Variants in CLEC17A observed in about 807,000 individuals in gnomAD.
The protein encoded by CLEC17A is C-type lectin domain family 17, member A.
CLEC17A carries 37 observed loss-of-function variants against 61.3 expected under a neutral mutation model. The ratio of observed to expected loss-of-function variants is 0.60; its 90% confidence interval spans 0.46 to 0.79. CLEC17A has a LOEUF of 0.79. CLEC17A is among the 30% of genes least tolerant of loss of function. CLEC17A has a pLI of 0.00. For synonymous variants in CLEC17A, 168 were observed against 164.9 expected, an observed-to-expected ratio of 1.02 and a Z score of -0.14; for missense variants, 418 against 464.7, an observed-to-expected ratio of 0.90 and a Z score of 0.92.
Position 14,583,154 on chromosome 19 carries a change from G to A in CLEC17A, c.-7G>A, listed in dbSNP as rs377723968. 5.6e-5 allele frequency: 91 copies of A among 1,613,928 alleles called. No individual in the cohort carries two copies. The highest frequency in any genetic ancestry group is 1.9e-5 in the Non-Finnish European group (22 of 1,179,914). Reference sequence around the variant, plus strand: ...GGCTGCCACTTGTCAGGTTCCCTGTGCTAGACATGCATAATCTGTATTCCA... The same window carrying A: ...GGCTGCCACTTGTCAGGTTCCCTGTACTAGACATGCATAATCTGTATTCCA... On this transcript the variant is annotated 5_prime_UTR_variant, in exon 1 of 14. Coordinates refer to ENST00000417570, the MANE Select transcript of CLEC17A (RefSeq NM_001204118.2).
Position 14,583,100 on chromosome 19 carries a change from G to T in CLEC17A, c.-61G>T. The T allele has an allele frequency of 6.3e-7, 1 of 1,593,218 alleles. No individual in the cohort carries two copies. The highest frequency in any genetic ancestry group is 1.1e-5 in the South Asian group (1 of 89,968). On this transcript the variant is annotated 5_prime_UTR_variant, in exon 1 of 14. Coordinates refer to ENST00000417570, the MANE Select transcript of CLEC17A (RefSeq NM_001204118.2). ...AGAGCCCCCAGACGCCTGAGTCGGAGAGACAGGGGGCAGAGGTTGCCAAGC... is the reference window on the plus strand; with the variant it reads ...AGAGCCCCCAGACGCCTGAGTCGGATAGACAGGGGGCAGAGGTTGCCAAGC...
intron 2 of CLEC17A, among the ~76,000 whole-genome samples, chr19:14,586,105 GT>G (rs2074272304): frequency 6.8e-6 from 1 of 147,776 alleles, no homozygotes; most frequent in Middle Eastern, 3.5e-3. Flanking sequence ...ATATTTTAAT[GT>G]TTCTTAATTT....
At chr19:14,594,490 C>T (rs766030282) in intron 4 of CLEC17A, 27 bp from the exon 5 acceptor site, 1 of 1,561,284 alleles carries the variant, frequency 6.4e-7, no homozygotes, top group Non-Finnish European at 8.7e-7. Flanking sequence ...CTCAGCCCAG[C>T]CCTCACCCTG....
intron 13 of CLEC17A, among the ~76,000 whole-genome samples, chr19:14,608,558 T>G (rs2146762205): frequency 6.6e-6 from 1 of 151,812 alleles, no homozygotes; most frequent in Middle Eastern, 3.4e-3. Context: ...TTCGTAAAAC[T>G]GCTGAAATAT....
At chr19:14,599,582 C>T (rs965729965) in intron 10 of CLEC17A, 135 bp from the exon 11 acceptor site, 6 of 729,014 alleles carry the variant, frequency 8.2e-6, no homozygotes, top group Non-Finnish European at 1.3e-5. Context: ...TTTTTGAGCG[C>T]AAGCGTGACC....
chr19:14,586,122 C>CTT (rs997687603), intron 2 of CLEC17A, among the ~76,000 whole-genome samples: 12 of 137,404 alleles, frequency 8.7e-5, no homozygotes, highest in East Asian at 2.0e-4. Flanking sequence ...AATTTCTTTA[C>CTT]TTTTTTTTTT....
chr19:14,587,049 C>T (rs1467725090), intron 2 of CLEC17A, among the ~76,000 whole-genome samples: 14 of 151,768 alleles, frequency 9.2e-5, no homozygotes, highest in East Asian at 2.0e-4. Flanking sequence ...CCACCACGCC[C>T]GGCTAGTTTT....
rs747103231 is a variant in CLEC17A at position 14,599,770 on chromosome 19, G to A, written c.700G>A (p.Ala234Thr). 5 of 1,613,838 alleles carry A rather than the reference G, an allele frequency of 3.1e-6. No homozygotes were observed. The highest frequency in any genetic ancestry group is 4.2e-6 in the Non-Finnish European group (5 of 1,179,870). The change falls in exon 11 of 14, where the codon GCT becomes ACT. Residue 234 changes from alanine (A) to threonine (T), a missense_variant. Coordinates refer to ENST00000417570, the MANE Select transcript of CLEC17A (RefSeq NM_001204118.2). ...GAAGCATGACATTGCCCGTGTAAGA[G>A]CTGACACCAACCAGTCCCTGGTGGA... ...GLKHDIARVR[A>T]DTNQSLVELW...
Position 14,610,187 on chromosome 19 carries a change from T to C in CLEC17A, c.1128T>C (p.Cys376=). Residue 376 remains cysteine (C), a synonymous_variant, in exon 14 of 14, where the codon TGT becomes TGC. Transcript: ENST00000417570. ...KTTYWICERK[C]SC ...CGTATTGGATTTGTGAGCGGAAATG[T>C]TCCTGTTGAAGCCCAGGGCCGAGGC... 6.4e-7 allele frequency: 1 copy of C among 1,566,468 alleles called. No homozygotes were observed. Among genetic ancestry groups the C allele is most frequent in the Non-Finnish European group, 8.7e-7 (1 of 1,155,430 alleles).
chr19:14,595,970 A>T, intron 8 of CLEC17A, among the ~76,000 whole-genome samples: 1 of 83,770 alleles, frequency 1.2e-5, no homozygotes, highest in Non-Finnish European at 2.8e-5. Flanking sequence ...GTTGACAATG[A>T]CAATGTTGTT....
intron 8 of CLEC17A, among the ~76,000 whole-genome samples, chr19:14,596,399 G>A (rs1476032022): frequency 6.6e-6 from 1 of 152,172 alleles, no homozygotes; most frequent in Admixed American, 6.5e-5. Context: ...GGAGGCTGAA[G>A]CAGGGAGGAT....
At position 14,594,812 on chromosome 19, in the gene CLEC17A, G is replaced by C. The variant is rs1402008781; in HGVS notation, c.403+12G>C. The C allele has an allele frequency of 3.1e-6, 5 of 1,612,806 alleles. No individual in the cohort carries two copies. Among genetic ancestry groups the C allele is most frequent in the Non-Finnish European group, 4.2e-6 (5 of 1,179,146 alleles). On this transcript the variant is annotated intron_variant, in intron 7 of 13. Transcript: ENST00000417570. ...ACCTCCTCAACTGGGTGAGCAGTGG[G>C]AAGACCCTTTAAGATGCCTAAGAGG... is the stretch of plus-strand genomic sequence containing the variant.
At chr19:14,604,588 C>T (rs1599570648) in intron 12 of CLEC17A, among the ~76,000 whole-genome samples, 1 of 152,078 alleles carries the variant, frequency 6.6e-6, no homozygotes, top group Non-Finnish European at 1.5e-5. Context: ...CATGGTGAAA[C>T]CCTGTTTCTA....
upstream of CLEC17A, among the ~76,000 whole-genome samples, chr19:14,582,569 C>T (rs1194402025): frequency 6.6e-6 from 1 of 151,594 alleles, no homozygotes; most frequent in African/African-American, 2.4e-5. Context: ...ATCTCAAGAC[C>T]CTTAATTAAT....
intron 5 of CLEC17A, 27 bp downstream of exon 5, chr19:14,594,576 A>G (rs1568452491): frequency 1.9e-6 from 3 of 1,613,008 alleles, no homozygotes; most frequent in Non-Finnish European, 2.5e-6. Context: ...GGTGTAGGAG[A>G]CCCAGAGCTG....
chr19:14,604,301 C>T (rs1173295301), intron 12 of CLEC17A, among the ~76,000 whole-genome samples: 1 of 152,160 alleles, frequency 6.6e-6, no homozygotes, highest in African/African-American at 2.4e-5. Flanking sequence ...CCAGATTCTT[C>T]TCTCTGGGGC....
At chr19:14,597,555 A>G (rs2074579192) in intron 10 of CLEC17A, among the ~76,000 whole-genome samples, 1 of 152,158 alleles carries the variant, frequency 6.6e-6, no homozygotes, top group Non-Finnish European at 1.5e-5. Flanking sequence ...ACTGGGCAAC[A>G]CAGCAAGGCT....
At chr19:14,590,083 C>A (rs2146679397) in intron 3 of CLEC17A, among the ~76,000 whole-genome samples, 1 of 143,940 alleles carries the variant, frequency 6.9e-6, no homozygotes, top group East Asian at 2.0e-4. Context: ...GATTCCTGAA[C>A]CACAGAAACT....
At chr19:14,590,694 T>TAC (rs1361347309) in intron 3 of CLEC17A, among the ~76,000 whole-genome samples, 19 of 151,614 alleles carry the variant, frequency 1.3e-4, no homozygotes, top group African/African-American at 4.1e-4. Flanking sequence ...GCCTCTTTTC[T>TAC]TTTTTCTTTA....
Sources: allele counts gnomAD v4.1 joint callset (sites outside exome capture counted in the v4.1 genomes callset), GRCh38; gene constraint gnomAD v4.1.1; transcripts MANE v1.5; gene names NCBI Gene and HGNC (gene_info 2026-07-23, HGNC 2026-07-21).